Variants in TSC22D1 observed in about 807,000 individuals in gnomAD.
TSC22D1 encodes TSC22 domain family protein 1.
A neutral mutation model predicts 74.2 loss-of-function variants in TSC22D1; 9 were observed. That is an observed-to-expected ratio of 0.12 (90% CI 0.07 to 0.21). The LOEUF (loss-of-function observed/expected upper bound fraction) is 0.21, where lower values mean the gene tolerates loss of function less well. TSC22D1 is among the 10% of genes least tolerant of loss of function. The probability of loss-of-function intolerance (pLI) is 1.00; values close to 1 mark genes in which losing one functional copy is unlikely to be tolerated. For missense variants in TSC22D1, 1,427 were observed against 1,304.7 expected (o/e 1.09, Z -1.44); for synonymous variants, 586 against 492.5 (o/e 1.19, Z -2.51).
At chr13:44,558,999 C>T (rs560690118) in intron 1 of TSC22D1, among the ~76,000 whole-genome samples, 5 of 152,200 alleles carry the variant, frequency 3.3e-5, no homozygotes, top group Non-Finnish European at 7.4e-5. Flanking sequence ...TCCTGCTATC[C>T]ATTATTTCAG....
chr13:44,498,289 T>C (rs1255712954), intron 1 of TSC22D1, among the ~76,000 whole-genome samples: 1 of 126,664 alleles, frequency 7.9e-6, no homozygotes, highest in Non-Finnish European at 1.7e-5. Flanking sequence ...CAAAGTGAGA[T>C]TCTGCCTCAA....
rs192806893 is a variant in TSC22D1 at position 44,440,997 on chromosome 13, A to G, written c.2913-4902T>C. ...TTATCCAGAATTCTTTACTTGGCCA[A>G]ATCATCATTTGAGTGTAAAGGTAGA... On this transcript the variant is annotated intron_variant, in intron 1 of 2. Coordinates refer to ENST00000458659, the MANE Select transcript of TSC22D1 (RefSeq NM_183422.4). 2.0e-5 allele frequency among the ~76,000 whole-genome samples: 3 copies of G among 152,364 alleles called. No individual in the cohort carries two copies. In the East Asian group the frequency reaches 5.8e-4, roughly 29 times the overall value.
At chr13:44,455,732 T>C (rs116869329) in intron 1 of TSC22D1, among the ~76,000 whole-genome samples, 1,868 of 152,264 alleles carry the variant, frequency 0.012, 22 homozygotes, top group Non-Finnish European at 0.019. Context: ...AGGGAATCTA[T>C]TACAGAGCCT....
intron 1 of TSC22D1, among the ~76,000 whole-genome samples, chr13:44,487,594 A>G (rs1878504620): frequency 1.3e-5 from 2 of 151,858 alleles, no homozygotes; most frequent in Non-Finnish European, 1.5e-5. Context: ...AAACAAAATT[A>G]AAACAAATCT....
intron 1 of TSC22D1, chr13:44,539,760 C>T: frequency 1.6e-6 from 2 of 1,269,832 alleles, no homozygotes; most frequent in Non-Finnish European, 2.0e-6. Context: ...TAATGGAAAG[C>T]ACCCACTTGT....
At chr13:44,527,680 T>A (rs1171369879) in intron 1 of TSC22D1, among the ~76,000 whole-genome samples, 2 of 152,094 alleles carry the variant, frequency 1.3e-5, no homozygotes, top group Non-Finnish European at 2.9e-5. Flanking sequence ...ACCAGATAAC[T>A]AATCCAACTA....
At chr13:44,436,989 C>CCA in intron 1 of TSC22D1, 1 of 1,001,434 alleles carries the variant, frequency 1.0e-6, no homozygotes. Flanking sequence ...CCCCCCACCC[C>CCA]CACCTCCGCC....
In TSC22D1 at chr13:44,434,100, TG is replaced by T. The variant is rs769626831; in HGVS notation, c.*525del. ...TGAGAAGAAAGAGGCACAGTACTAT[TG>T]TTTTTTATGAATTTTGGTGACAGTT... On this transcript the variant is annotated 3_prime_UTR_variant, in exon 3 of 3. Transcript: ENST00000458659. 2 of 1,505,168 alleles carry T rather than the reference TG, an allele frequency of 1.3e-6. No homozygotes were observed. Among genetic ancestry groups the T allele is most frequent in the Non-Finnish European group, 1.8e-6 (2 of 1,139,428 alleles). 93.2% of individuals were successfully genotyped at this position (1,505,168 alleles called of 1,614,324 possible).
intron 1 of TSC22D1, among the ~76,000 whole-genome samples, chr13:44,446,370 G>A (rs1875643608): frequency 6.6e-6 from 1 of 152,114 alleles, no homozygotes; most frequent in South Asian, 2.1e-4. Context: ...GGGAGGGAGG[G>A]GAGATTGTTA....
At chr13:44,569,831 CAAAAA>C (rs557802924) in intron 1 of TSC22D1, among the ~76,000 whole-genome samples, 1 of 146,024 alleles carries the variant, frequency 6.8e-6, no homozygotes, top group Non-Finnish European at 1.5e-5. Context: ...TAAATCATGA[CAAAAA>C]AAAAATCAGG....
intron 1 of TSC22D1, among the ~76,000 whole-genome samples, chr13:44,530,675 AC>A (rs1391241565): frequency 6.6e-6 from 1 of 152,052 alleles, no homozygotes; most frequent in Non-Finnish European, 1.5e-5. Flanking sequence ...AAAAAAAAAA[AC>A]AAACCTGATT....
intron 1 of TSC22D1, among the ~76,000 whole-genome samples, chr13:44,555,765 T>C (rs1595164213): frequency 6.6e-6 from 1 of 151,518 alleles, no homozygotes; most frequent in Non-Finnish European, 1.5e-5. Flanking sequence ...AAAAAAAGTA[T>C]GAAATGCCTT....
chr13:44,465,301 C>T lies in TSC22D1; in HGVS notation c.2913-29206G>A, dbSNP rs75642597. Among the ~76,000 whole-genome samples the T allele has an allele frequency of 5.3e-5, 8 of 152,240 alleles. No homozygotes were observed. In the South Asian group the frequency reaches 1.5e-3, roughly 28 times the overall value. ...CAGGCTTAAACTTTGTCTTTACCCC[C>T]GAAGACTTTGCCAGGCTAAGAAAGC... On this transcript the variant is annotated intron_variant, in intron 1 of 2. Transcript: ENST00000458659.
At chr13:44,521,626 GTC>G in intron 1 of TSC22D1, among the ~76,000 whole-genome samples, 1 of 150,990 alleles carries the variant, frequency 6.6e-6, no homozygotes, top group African/African-American at 2.4e-5. Context: ...TCCTCGCCAT[GTC>G]TGGCACTGAA....
chr13:44,516,342 A>C (rs1336163), intron 1 of TSC22D1: 217,655 of 466,398 alleles, frequency 0.47, 52,345 homozygotes, highest in Non-Finnish European at 0.51. Context: ...ATTCTGAAGA[A>C]CCTGCTTTTT....
chr13:44,560,188 G>A (rs917662675), intron 1 of TSC22D1, among the ~76,000 whole-genome samples: 1 of 152,160 alleles, frequency 6.6e-6, no homozygotes, highest in Non-Finnish European at 1.5e-5. Flanking sequence ...CCAGCACTTT[G>A]AGAGGCTGAG....
intron 1 of TSC22D1, chr13:44,539,769 G>C (rs1330078264): frequency 7.8e-7 from 1 of 1,278,086 alleles, no homozygotes; most frequent in Non-Finnish European, 1.0e-6. Context: ...GCACCCACTT[G>C]TTTATTATCC....
chr13:44,493,795 T>G (rs1053389635), intron 1 of TSC22D1, among the ~76,000 whole-genome samples: 18 of 152,290 alleles, frequency 1.2e-4, no homozygotes, highest in African/African-American at 4.1e-4. Flanking sequence ...GTTTATTTAT[T>G]TTTATTTTGG....
intron 1 of TSC22D1, among the ~76,000 whole-genome samples, chr13:44,564,006 T>C (rs1883208935): frequency 6.6e-6 from 1 of 152,244 alleles, no homozygotes; most frequent in South Asian, 2.1e-4. Context: ...TATTTGATTA[T>C]ACCTAAGCAT....
Sources: allele counts gnomAD v4.1 joint callset (sites outside exome capture counted in the v4.1 genomes callset), GRCh38; gene constraint gnomAD v4.1.1; transcripts MANE v1.5; gene names NCBI Gene and HGNC (gene_info 2026-07-23, HGNC 2026-07-21).